TXNRD1: variants seen among roughly 807,000 people sequenced by gnomAD.
TXNRD1 encodes thioredoxin reductase 1, also known as thioredoxin reductase 1, cytoplasmic.
A neutral mutation model predicts 80.3 loss-of-function variants in TXNRD1; 57 were observed. The observed-to-expected ratio is 0.71, with a 90% CI of 0.57 to 0.89. The LOEUF (loss-of-function observed/expected upper bound fraction) is 0.89. TXNRD1 is among the 40% of genes least tolerant of loss of function. The pLI is 0.00. For missense variants in TXNRD1, 730 were observed against 803.0 expected (o/e 0.91, Z 1.10); for synonymous variants, 291 against 285.2 (o/e 1.02, Z -0.20).
At chr12:104,219,077 G>A (rs1173220737) in intron 1 of TXNRD1, among the ~76,000 whole-genome samples, 2 of 151,906 alleles carry the variant, frequency 1.3e-5, no homozygotes, top group East Asian at 3.9e-4. Flanking sequence ...TGAGTAGCTA[G>A]GATTACAGGG....
chr12:104,258,283 TG>T, intron 3 of TXNRD1: 1 of 484,190 alleles, frequency 2.1e-6, no homozygotes, highest in Non-Finnish European at 3.6e-6. Flanking sequence ...TGTATAGCCT[TG>T]GTATTACCCA....
chr12:104,306,757 T>C (rs1484117358), intron 4 of TXNRD1, among the ~76,000 whole-genome samples: 1 of 152,252 alleles, frequency 6.6e-6, no homozygotes, highest in African/African-American at 2.4e-5. Flanking sequence ...TCCTTTGATT[T>C]ATAGTAGCAG....
In TXNRD1 at chr12:104,321,221, C is replaced by T; in HGVS notation, c.1120C>T (p.Leu374Phe). 6.2e-7 allele frequency: 1 copy of T among 1,613,874 alleles called. No homozygotes were observed. The highest frequency in any genetic ancestry group is 1.1e-5 in the South Asian group (1 of 91,078). Residue 374 changes from leucine to phenylalanine, a missense_variant, in exon 10 of 17, where the codon CTT becomes TTT. By Grantham distance (22) the Leu-to-Phe change is conservative (BLOSUM62 0). Coordinates refer to ENST00000525566, the MANE Select transcript of TXNRD1 (RefSeq NM_001093771.3). ...LDVTVMVRSI[L>F]LRGFDQDMAN... Reference sequence around the variant, plus strand: ...CGTCACTGTTATGGTTAGGTCCATTCTTCTTAGAGGATTTGACCAGGACAT... The same window carrying T: ...CGTCACTGTTATGGTTAGGTCCATTTTTCTTAGAGGATTTGACCAGGACAT...
At chr12:104,287,783 C>T (rs1036268995) in intron 3 of TXNRD1, among the ~76,000 whole-genome samples, 2 of 152,102 alleles carry the variant, frequency 1.3e-5, no homozygotes, top group African/African-American at 2.4e-5. Flanking sequence ...TGAATCCTGC[C>T]GCTGCTTTTG....
Position 104,261,067 on chromosome 12 carries a change from A to G in TXNRD1, c.304+2988A>G, listed in dbSNP as rs566624822. On this transcript the variant is annotated intron_variant, in intron 3 of 16. Coordinates refer to ENST00000525566, the MANE Select transcript of TXNRD1 (RefSeq NM_001093771.3). ...TAAGAGTCTGTGATTTAATACATGT[A>G]TGAACTTTATTTTCAGTCCCAGAAA... Among the ~76,000 whole-genome samples the G allele has an allele frequency of 3.0e-4, 45 of 152,008 alleles. 1 individual carries two copies. In the South Asian group the frequency reaches 8.1e-3, roughly 27 times the overall value.
At chr12:104,290,413 C>T (rs972004784) in intron 4 of TXNRD1, among the ~76,000 whole-genome samples, 2 of 151,798 alleles carry the variant, frequency 1.3e-5, no homozygotes, top group Non-Finnish European at 2.9e-5. Context: ...CCTTCCTGGC[C>T]GGGTGCGGTG....
chr12:104,228,127 A>G (rs1268150129), intron 1 of TXNRD1, among the ~76,000 whole-genome samples: 1 of 151,786 alleles, frequency 6.6e-6, no homozygotes, highest in Non-Finnish European at 1.5e-5. Context: ...ACATGGAGAA[A>G]CCCCATCTCT....
intron 1 of TXNRD1, among the ~76,000 whole-genome samples, chr12:104,235,814 T>A (rs2032726471): frequency 6.6e-6 from 1 of 152,224 alleles, no homozygotes; most frequent in South Asian, 2.1e-4. Context: ...TGTTGTTTCA[T>A]GTCCTTGGGA....
At chr12:104,337,819 C>CT (rs2036189190) in intron 15 of TXNRD1, among the ~76,000 whole-genome samples, 2 of 151,928 alleles carry the variant, frequency 1.3e-5, no homozygotes, top group Non-Finnish European at 1.5e-5. Context: ...CAGGGTCTTA[C>CT]TTTATCACCC....
At chr12:104,309,304 G>C (rs1034354112) in intron 4 of TXNRD1, among the ~76,000 whole-genome samples, 1 of 152,162 alleles carries the variant, frequency 6.6e-6, no homozygotes, top group African/African-American at 2.4e-5. Context: ...TTCATTCAGA[G>C]CTTTTTTGGT....
At chr12:104,286,686 C>T (rs1283494718) in intron 3 of TXNRD1, 5 of 990,312 alleles carry the variant, frequency 5.0e-6, no homozygotes, top group Admixed American at 5.6e-5. Flanking sequence ...TTCTAAAGAC[C>T]CTCACGTGAT....
intron 4 of TXNRD1, among the ~76,000 whole-genome samples, chr12:104,305,688 T>TC (rs2034881226): frequency 6.6e-6 from 1 of 152,228 alleles, no homozygotes; most frequent in African/African-American, 2.4e-5. Flanking sequence ...TTGAATAACT[T>TC]CATCTATTAA....
rs770814688 is a variant in TXNRD1, at chr12:104,287,243, T to C, written c.305-1688T>C. 8.1e-6 allele frequency: 13 copies of C among 1,613,298 alleles called. No homozygotes were observed. The Admixed American group carries it at 1.2e-4, about 14-fold the overall frequency. On this transcript the variant is annotated intron_variant, in intron 3 of 16. Transcript: ENST00000525566. ...TGTGCGTCTCGGGGAAGGGAAGATA[T>C]TTTAAGGCGTGTCTGAGCAGACGGG...
At chr12:104,300,332 AAG>A (rs1402881382) in intron 4 of TXNRD1, among the ~76,000 whole-genome samples, 1 of 152,192 alleles carries the variant, frequency 6.6e-6, no homozygotes. Flanking sequence ...AAAAAGGGGA[AAG>A]AGGGGAGCTA....
At chr12:104,334,464 C>G (rs1593866512) in intron 15 of TXNRD1, 132 bp downstream of exon 15, 1 of 355,928 alleles carries the variant, frequency 2.8e-6, no homozygotes, top group African/African-American at 2.2e-5. Flanking sequence ...CTCACTGCAA[C>G]CTCCGCCTCC....
At chr12:104,326,263 C>A in intron 11 of TXNRD1, 84 bp from the exon 12 acceptor site, 3 of 902,260 alleles carry the variant, frequency 3.3e-6, no homozygotes, top group South Asian at 3.3e-5. Context: ...ATCAGATTAG[C>A]TTAATAAGCA....
Position 104,338,589 on chromosome 12 carries a change from C to T in TXNRD1, c.1747-550C>T, listed in dbSNP as rs556825541. On this transcript the variant is annotated intron_variant, in intron 15 of 16. Transcript: ENST00000525566. The stretch of plus-strand genomic sequence containing the variant: ...GCGCCTGCCTGTAGTCCCAGCTACT[C>T]GGGAGGCTGAGGCAAGAGAATCGCT... 1.5e-3 allele frequency among the ~76,000 whole-genome samples: 215 copies of T among 147,228 alleles called. 5 individuals carry two copies. The highest frequency in any genetic ancestry group is 6.9e-3 in the Middle Eastern group (2 of 290).
intron 4 of TXNRD1, among the ~76,000 whole-genome samples, chr12:104,302,486 C>CTTTTTTTTTTTTTTTTTTTTTTTTT (rs772202256): frequency 1.3e-5 from 1 of 76,226 alleles, no homozygotes. Context: ...TATTCATTCC[C>CTTTTTTTTTTTTTTTTTTTTTTTTT]TTTTTTTTTT....
chr12:104,245,981 C>T (rs1003065486), intron 1 of TXNRD1, among the ~76,000 whole-genome samples: 33 of 151,042 alleles, frequency 2.2e-4, no homozygotes, highest in African/African-American at 6.1e-4. Context: ...GGCGTGGTGG[C>T]GGGCTCCTGT....
Sources: allele counts gnomAD v4.1 joint callset (sites outside exome capture counted in the v4.1 genomes callset), GRCh38; gene constraint gnomAD v4.1.1; transcripts MANE v1.5; gene names NCBI Gene and HGNC (gene_info 2026-07-23, HGNC 2026-07-21).